VPS13C: variants seen among roughly 807,000 people sequenced by gnomAD.
VPS13C encodes the protein intermembrane lipid transfer protein VPS13C.
A neutral mutation model predicts 456.8 loss-of-function variants in VPS13C; 358 were observed. The observed-to-expected ratio is 0.78, with a 90% CI of 0.72 to 0.86. VPS13C has a LOEUF of 0.86. Among genes scored for constraint, VPS13C ranks in the 40% least tolerant of loss-of-function variants. The pLI, the probability that VPS13C is intolerant of heterozygous loss-of-function variation, is 0.00. For missense variants in VPS13C, 4,818 were observed against 4,385.4 expected, an observed-to-expected ratio of 1.10 and a Z score of -2.79; for synonymous variants, 1,578 against 1,486.7, an observed-to-expected ratio of 1.06 and a Z score of -1.41.
At chr15:61,878,774 GA>G (rs1260216692) in intron 73 of VPS13C, 28 bp from the exon 74 acceptor site, 36 of 1,584,292 alleles carry the variant, frequency 2.3e-5, no homozygotes, top group Non-Finnish European at 2.9e-5. Flanking sequence ...TTCAATAAAT[GA>G]AAGCTAAAAG....
At chr15:61,890,501 T>A in intron 66 of VPS13C, 101 bp from the exon 67 acceptor site, 1 of 1,000,388 alleles carries the variant, frequency 1.0e-6, no homozygotes, top group Non-Finnish European at 1.5e-6. Flanking sequence ...TAAGAAGCAC[T>A]ACTATAAATT....
intron 28 of VPS13C, among the ~76,000 whole-genome samples, chr15:61,968,731 GAACT>G (rs2045456194): frequency 6.6e-6 from 1 of 151,834 alleles, no homozygotes; most frequent in South Asian, 2.1e-4. Context: ...GTTTCTGAAA[GAACT>G]AACTTTACAT....
rs1444104766 is a variant in VPS13C, at chr15:62,034,035, C to T, written c.284-493G>A. Among the ~76,000 whole-genome samples the T allele has an allele frequency of 4.0e-5, 6 of 150,838 alleles. No individual in the cohort carries two copies. In the East Asian group the frequency reaches 1.2e-3, roughly 29 times the overall value. ...GATCATGCAATCTAAGGAAATAACA[C>T]AAAAGAATAAAAAAGATCTATAATG... On this transcript the variant is annotated intron_variant, in intron 4 of 84. Coordinates refer to ENST00000644861, the MANE Select transcript of VPS13C (RefSeq NM_020821.3).
intron 44 of VPS13C, 93 bp downstream of exon 44, chr15:61,946,214 C>G: frequency 1.0e-6 from 1 of 995,648 alleles, no homozygotes; most frequent in Non-Finnish European, 1.5e-6. Flanking sequence ...TGGTACATGA[C>G]AGATAATAAA....
intron 2 of VPS13C, among the ~76,000 whole-genome samples, chr15:62,043,089 C>T (rs536382890): frequency 3.7e-4 from 56 of 151,820 alleles, no homozygotes; most frequent in African/African-American, 1.3e-3. Context: ...AACCTCTTTT[C>T]CAATCTATAA....
At chr15:62,041,909 G>A (rs915025713) in intron 2 of VPS13C, among the ~76,000 whole-genome samples, 1 of 152,098 alleles carries the variant, frequency 6.6e-6, no homozygotes, top group African/African-American at 2.4e-5. Context: ...GAAAAAGTTT[G>A]TAAATAGCCA....
chr15:61,860,940 A>G (rs1307751373), intron 82 of VPS13C, among the ~76,000 whole-genome samples: 1 of 140,894 alleles, frequency 7.1e-6, no homozygotes, highest in Admixed American at 7.1e-5. Flanking sequence ...ATGTATGGTT[A>G]GTTATTTTCT....
chr15:61,873,273 C>G lies in VPS13C; in HGVS notation c.10551G>C (p.Leu3517=). 1 of 1,613,636 alleles carries G rather than the reference C, an allele frequency of 6.2e-7. No homozygotes were observed. The highest frequency in any genetic ancestry group is 1.7e-5 in the Admixed American group (1 of 59,970). The change falls in exon 78 of 85, where the codon CTG becomes CTC. Residue 3517 remains leucine (L), a synonymous_variant. Transcript: ENST00000644861. ...SRQPRDFGDS[L]ARGGKGFLRG... The stretch of plus-strand genomic sequence containing the variant: ...GCAGAAAGCCCTTTCCTCCTCTGGC[C>G]AGGCTGTCTCCAAAATCTCTGGGCT...
chr15:61,856,511 T>TAAAC, intron 82 of VPS13C, 102 bp from the exon 83 acceptor site: 1 of 1,338,480 alleles, frequency 7.5e-7, no homozygotes, highest in Non-Finnish European at 1.0e-6. Flanking sequence ...ACTTGCTTAG[T>TAAAC]AAACAATATA....
chr15:61,999,007 T>C (rs929998559), intron 16 of VPS13C, among the ~76,000 whole-genome samples: 1 of 152,228 alleles, frequency 6.6e-6, no homozygotes, highest in Non-Finnish European at 1.5e-5. Context: ...CATCTAAAAA[T>C]ATGTGTTAAT....
intron 66 of VPS13C, among the ~76,000 whole-genome samples, chr15:61,900,700 A>T (rs1384506563): frequency 7.3e-5 from 11 of 151,446 alleles, no homozygotes; most frequent in Admixed American, 7.2e-4. Flanking sequence ...TAATTTACAG[A>T]TTCAATGCCA....
chr15:61,952,036 A>T, intron 38 of VPS13C, 56 bp from the exon 39 acceptor site: 1 of 1,567,694 alleles, frequency 6.4e-7, no homozygotes, highest in South Asian at 1.2e-5. Context: ...CAATGAAGGT[A>T]AGTCAAGAAT....
At chr15:61,937,851 T>C (rs1433021375) in intron 47 of VPS13C, among the ~76,000 whole-genome samples, 2 of 152,192 alleles carry the variant, frequency 1.3e-5, no homozygotes, top group Admixed American at 1.3e-4. Context: ...TGCTACTGGC[T>C]GCTAAAATCC....
chr15:62,056,802 A>C (rs2048816824), intron 1 of VPS13C, among the ~76,000 whole-genome samples: 2 of 152,224 alleles, frequency 1.3e-5, no homozygotes, highest in South Asian at 4.1e-4. Context: ...AGTCTCTGAT[A>C]TGCAGAAATA....
rs1456613323 is a variant in VPS13C, at chr15:61,869,121, T to TC, written c.10749-349_10749-348insG. Among the ~76,000 whole-genome samples the TC allele has an allele frequency of 1.2e-4, 18 of 146,920 alleles. No homozygotes were observed. The South Asian group carries it at 3.2e-3, about 26-fold the overall frequency. Reference sequence around the variant, plus strand: ...TCTCTTTTCTTTTCTTTTTTCTTTTTTTTTTTTTTTTTTTGAGACAAAGTC... The same window carrying TC: ...TCTCTTTTCTTTTCTTTTTTCTTTTTCTTTTTTTTTTTTTTGAGACAAAGTC... On this transcript the variant is annotated intron_variant, in intron 80 of 84. Transcript: ENST00000644861.
At chr15:61,872,087 T>C (rs573001672) in intron 78 of VPS13C, 53 bp from the exon 79 acceptor site, 182 of 1,508,250 alleles carry the variant, frequency 1.2e-4, no homozygotes, top group Non-Finnish European at 1.5e-4. Context: ...TGTTTAATTT[T>C]AAACCAACCA....
intron 66 of VPS13C, among the ~76,000 whole-genome samples, chr15:61,900,640 C>T (rs1188101877): frequency 2.0e-5 from 3 of 151,296 alleles, no homozygotes; most frequent in Non-Finnish European, 4.4e-5. Context: ...ACATTCCATG[C>T]TCATGGGTAG....
chr15:61,861,785 T>C (rs922071418), intron 82 of VPS13C, among the ~76,000 whole-genome samples: 4 of 152,130 alleles, frequency 2.6e-5, no homozygotes, highest in African/African-American at 7.2e-5. Context: ...ACTACCTCAA[T>C]CAAATACATT....
At chr15:62,051,241 A>T (rs2048606952) in intron 1 of VPS13C, among the ~76,000 whole-genome samples, 1 of 152,222 alleles carries the variant, frequency 6.6e-6, no homozygotes, top group Non-Finnish European at 1.5e-5. Context: ...TTCTCCTCAG[A>T]GTAGGTACTC....
Sources: gnomAD v4.1 joint callset for allele counts (sites outside exome capture counted in the v4.1 genomes callset) on GRCh38, gnomAD v4.1.1 for gene constraint, MANE v1.5 for transcripts, NCBI Gene and HGNC (gene_info 2026-07-23, HGNC 2026-07-21) for gene names.